The following PITHD1 variants were observed in gnomAD, a reference collection of about 807,000 sequenced individuals.
PITHD1 encodes the protein PITH domain-containing protein 1.
In PITHD1, 8 loss-of-function variants were observed where a neutral mutation model predicts 27.5. That is an observed-to-expected ratio of 0.29 (90% CI 0.17 to 0.52). PITHD1 has a LOEUF of 0.52. PITHD1 is among the 20% of genes least tolerant of loss of function. PITHD1 has a pLI of 0.96. For missense variants in PITHD1, 233 were observed against 283.9 expected, an observed-to-expected ratio of 0.82 and a Z score of 1.29; for synonymous variants, 118 against 106.8, an observed-to-expected ratio of 1.10 and a Z score of -0.64.
At chr1:23,786,223 C>G (rs1428614087) in intron 4 of PITHD1, 92 bp from the exon 5 acceptor site, 1 of 585,440 alleles carries the variant, frequency 1.7e-6, no homozygotes, top group East Asian at 2.9e-5. Context: ...CTGGCTTTTA[C>G]AAGCTGGAGC....
intron 4 of PITHD1, 110 bp downstream of exon 4, chr1:23,785,889 G>A: frequency 1.6e-6 from 1 of 641,000 alleles, no homozygotes; most frequent in Non-Finnish European, 2.8e-6. Flanking sequence ...AAACAGTGGA[G>A]GAGACTTGAT....
chr1:23,782,368 A>C (rs1381060242), intron 3 of PITHD1, among the ~76,000 whole-genome samples: 1 of 151,904 alleles, frequency 6.6e-6, no homozygotes, highest in Non-Finnish European at 1.5e-5. Flanking sequence ...GCAGTGAGCC[A>C]AGATTACTCC....
intron 3 of PITHD1, among the ~76,000 whole-genome samples, chr1:23,783,743 C>T (rs1481580066): frequency 1.3e-5 from 2 of 152,126 alleles, no homozygotes; most frequent in Non-Finnish European, 2.9e-5. Flanking sequence ...GCGTGAGCCA[C>T]CACGCCTGGC....
intron 3 of PITHD1, among the ~76,000 whole-genome samples, 193 bp downstream of exon 3, chr1:23,780,134 A>G (rs1638575246): frequency 6.6e-6 from 1 of 152,200 alleles, no homozygotes; most frequent in South Asian, 2.1e-4. Context: ...TAGATTAAGC[A>G]TCTTTAGGCC....
intron 1 of PITHD1, among the ~76,000 whole-genome samples, chr1:23,779,151 G>C (rs1638558092): frequency 6.6e-6 from 1 of 152,168 alleles, no homozygotes; most frequent in Admixed American, 6.5e-5. Flanking sequence ...CTTCTTCTCA[G>C]AAAAATGCAC....
intron 2 of PITHD1, 123 bp from the exon 3 acceptor site, chr1:23,779,741 C>A: frequency 1.3e-6 from 1 of 745,568 alleles, no homozygotes; most frequent in Admixed American, 2.1e-5. Flanking sequence ...TAGAAATTAT[C>A]TAGTACAAGT....
rs771346822 is a variant in PITHD1, at chr1:23,787,272, C to G, written c.535-3C>G. On this transcript the variant is annotated splice_polypyrimidine_tract_variant and splice_region_variant and intron_variant, in intron 5 of 5. Coordinates refer to ENST00000246151, the MANE Select transcript of PITHD1 (RefSeq NM_020362.5). ...GGCTGACCCAGCCTCAATTTTCTTG[C>G]AGCTTCGCCGACACGAGGTGACCAT... 1 of 1,611,490 alleles carries G rather than the reference C, an allele frequency of 6.2e-7. No individual in the cohort carries two copies. Among genetic ancestry groups the G allele is most frequent in the Non-Finnish European group, 8.5e-7 (1 of 1,177,904 alleles).
intron 2 of PITHD1, 22 bp downstream of exon 2, chr1:23,779,503 A>G (rs545853030): frequency 3.1e-6 from 5 of 1,587,852 alleles, no homozygotes; most frequent in African/African-American, 1.3e-5. Context: ...CTTGGTGCCT[A>G]CCTCAGGCTA....
At chr1:23,784,566 C>T (rs1490045524) in intron 3 of PITHD1, among the ~76,000 whole-genome samples, 2 of 152,050 alleles carry the variant, frequency 1.3e-5, no homozygotes, top group African/African-American at 4.8e-5. Context: ...TGCATTTTGC[C>T]CCAGCTAATA....
At chr1:23,787,153 TAAG>T (rs1638697518) in intron 5 of PITHD1, 119 bp from the exon 6 acceptor site, 1 of 582,698 alleles carries the variant, frequency 1.7e-6, no homozygotes, top group Non-Finnish European at 3.1e-6. Flanking sequence ...AGTATTAAAA[TAAG>T]GAGATATTAA....
intron 5 of PITHD1, among the ~76,000 whole-genome samples, chr1:23,786,795 T>G (rs1397384914): frequency 6.6e-6 from 1 of 152,046 alleles, no homozygotes; most frequent in Non-Finnish European, 1.5e-5. Flanking sequence ...TTTCACCATG[T>G]TGGCCAGGCT....
chr1:23,783,311 A>G lies in PITHD1; in HGVS notation c.321-2364A>G, dbSNP rs916565079. Among the ~76,000 whole-genome samples the G allele has an allele frequency of 2.7e-5, 4 of 150,010 alleles. No homozygotes were observed. The Admixed American group carries it at 2.7e-4, about 10-fold the overall frequency. The stretch of plus-strand genomic sequence containing the variant: ...TATATATATATGTATATCTACATAT[A>G]TACGCATATATATATACACATATAT... On this transcript the variant is annotated intron_variant, in intron 3 of 5. Transcript: ENST00000246151.
At chr1:23,784,427 AGAC>A (rs1174059363) in intron 3 of PITHD1, among the ~76,000 whole-genome samples, 5 of 151,386 alleles carry the variant, frequency 3.3e-5, no homozygotes, top group Non-Finnish European at 7.4e-5. Flanking sequence ...TTTTTAGTAG[AGAC>A]GGGGTTTCAC....
chr1:23,785,651 C>T (rs771857178), intron 3 of PITHD1, 24 bp from the exon 4 acceptor site: 2 of 1,467,834 alleles, frequency 1.4e-6, no homozygotes, highest in Admixed American at 3.4e-5. Flanking sequence ...CATTTCTTGA[C>T]TTTTCTTTCC....
chr1:23,784,589 C>T (rs1430180113), intron 3 of PITHD1, among the ~76,000 whole-genome samples: 1 of 152,144 alleles, frequency 6.6e-6, no homozygotes. Flanking sequence ...GAGGCCTCTT[C>T]TGTGTGGGTG....
At chr1:23,778,860 C>G in intron 1 of PITHD1, 147 bp downstream of exon 1, 1 of 452,340 alleles carries the variant, frequency 2.2e-6, no homozygotes, top group South Asian at 9.3e-5. Context: ...CTTTGGGAGG[C>G]GAGCAGCGTT....
chr1:23,786,630 A>AAT (rs1290728034), intron 5 of PITHD1, among the ~76,000 whole-genome samples: 2 of 147,034 alleles, frequency 1.4e-5, no homozygotes, highest in African/African-American at 5.1e-5. Flanking sequence ...TTATATAAAT[A>AAT]ATATATATAA....
chr1:23,783,320 T>C (rs1330292776), intron 3 of PITHD1, among the ~76,000 whole-genome samples: 1 of 149,868 alleles, frequency 6.7e-6, no homozygotes, highest in Non-Finnish European at 1.5e-5. Context: ...TATACGCATA[T>C]ATATATACAC....
intron 5 of PITHD1, 148 bp downstream of exon 5, chr1:23,786,571 C>G (rs1018430454): frequency 2.9e-5 from 9 of 314,164 alleles, no homozygotes; most frequent in Admixed American, 5.1e-5. Flanking sequence ...AACTTTTCGT[C>G]TCATTTGAGA....
Sources: allele counts gnomAD v4.1 joint callset (sites outside exome capture counted in the v4.1 genomes callset), GRCh38; gene constraint gnomAD v4.1.1; transcripts MANE v1.5; gene names NCBI Gene and HGNC (gene_info 2026-07-23, HGNC 2026-07-21).